Variants in OSBPL6 observed in about 807,000 individuals in gnomAD.
The protein encoded by OSBPL6 is oxysterol-binding protein-related protein 6.
A neutral mutation model predicts 125.8 loss-of-function variants in OSBPL6; 49 were observed. That is an observed-to-expected ratio of 0.39 (90% confidence interval 0.31 to 0.49). The LOEUF (loss-of-function observed/expected upper bound fraction) is 0.49. OSBPL6 is among the 20% of genes least tolerant of loss of function. The probability of loss-of-function intolerance (pLI) is 0.88; values close to 1 mark genes in which losing one functional copy is unlikely to be tolerated. For missense variants in OSBPL6, 986 were observed against 1,135.4 expected (o/e 0.87, Z 1.89); for synonymous variants, 394 against 391.8 (o/e 1.01, Z -0.07).
intron 1 of OSBPL6, among the ~76,000 whole-genome samples, chr2:178,271,596 T>C (rs148153454): frequency 5.3e-5 from 8 of 152,346 alleles, no homozygotes; most frequent in African/African-American, 1.4e-4. Context: ...TATTTTATCA[T>C]TTCAAAAACT....
intron 5 of OSBPL6, among the ~76,000 whole-genome samples, chr2:178,329,733 T>C (rs78416442): frequency 0.048 from 7,379 of 152,188 alleles, 232 homozygotes; most frequent in South Asian, 0.15. Context: ...TTAAACTCTT[T>C]AGTGGGCCAC....
At chr2:178,331,401 G>T in intron 5 of OSBPL6, 151 bp from the exon 6 acceptor site, 2 of 763,096 alleles carry the variant, frequency 2.6e-6, no homozygotes, top group South Asian at 3.1e-5. Flanking sequence ...CATTTAATGT[G>T]ACTGACTGTG....
chr2:178,388,971 C>A, intron 20 of OSBPL6, 38 bp from the exon 21 acceptor site: 3 of 1,603,088 alleles, frequency 1.9e-6, no homozygotes, highest in Non-Finnish European at 2.6e-6. Flanking sequence ...GTGTTTGTGA[C>A]CTTGGTTGTT....
chr2:178,393,059 GAAGAT>G (rs1003366554), intron 23 of OSBPL6, among the ~76,000 whole-genome samples: 34 of 152,258 alleles, frequency 2.2e-4, no homozygotes, highest in African/African-American at 7.7e-4. Context: ...GTTCCCCACA[GAAGAT>G]AAGATAACAG....
chr2:178,256,628 T>A (rs946732768), intron 1 of OSBPL6, among the ~76,000 whole-genome samples: 1 of 152,226 alleles, frequency 6.6e-6, no homozygotes, highest in Non-Finnish European at 1.5e-5. Flanking sequence ...CTGAAATGAA[T>A]GGCATATGTT....
chr2:178,215,651 T>C (rs2090063555), intron 1 of OSBPL6, among the ~76,000 whole-genome samples: 1 of 151,674 alleles, frequency 6.6e-6, no homozygotes, highest in African/African-American at 2.4e-5. Context: ...GTTCCTGTGA[T>C]TTAGGGAGAG....
At chr2:178,319,953 C>A (rs1216932037) in intron 3 of OSBPL6, among the ~76,000 whole-genome samples, 1 of 152,108 alleles carries the variant, frequency 6.6e-6, no homozygotes, top group Non-Finnish European at 1.5e-5. Context: ...AGCAGTGGAC[C>A]AATTCTCTTT....
chr2:178,385,515 T>A lies in OSBPL6; in HGVS notation c.2071T>A (p.Trp691Arg), dbSNP rs770702975. 1.9e-6 allele frequency: 3 copies of A among 1,600,944 alleles called. No homozygotes were observed. The highest frequency in any genetic ancestry group is 2.6e-6 in the Non-Finnish European group (3 of 1,168,492). ...CHCESKNFVF[W>R]QDIRWKNKFW... Reference sequence around the variant, plus strand: ...CTGTGAATCAAAGAATTTTGTGTTTTGGCAAGGTTTGTATTTCAATTATAA... The same window carrying A: ...CTGTGAATCAAAGAATTTTGTGTTTAGGCAAGGTTTGTATTTCAATTATAA... The change falls in exon 19 of 25, where the codon TGG (tryptophan) becomes AGG (arginine). Residue 691 changes from tryptophan (W) to arginine (R), a missense_variant. Trp to Arg is a moderately radical substitution (Grantham distance 101). This residue lies in a region of OSBPL6 where 843 missense variants were observed against 997.3 expected (regional missense o/e 0.85). Coordinates refer to ENST00000190611, the MANE Select transcript of OSBPL6 (RefSeq NM_032523.4).
chr2:178,372,875 A>C (rs1693526582), intron 14 of OSBPL6, among the ~76,000 whole-genome samples: 1 of 149,060 alleles, frequency 6.7e-6, no homozygotes, highest in African/African-American at 2.4e-5. Flanking sequence ...ATAGGAGAAC[A>C]TTCAGTATAT....
chr2:178,208,374 A>G (rs2089652134), intron 1 of OSBPL6, among the ~76,000 whole-genome samples: 1 of 152,186 alleles, frequency 6.6e-6, no homozygotes, highest in South Asian at 2.1e-4. Flanking sequence ...AATAGTTGAG[A>G]AAGAAAAAAA....
At chr2:178,198,889 A>G (rs1404869670) in intron 1 of OSBPL6, among the ~76,000 whole-genome samples, 1 of 152,244 alleles carries the variant, frequency 6.6e-6, no homozygotes, top group Non-Finnish European at 1.5e-5. Flanking sequence ...TAAAATGACC[A>G]AGGATAATTT....
rs548902548 is a variant in OSBPL6, at chr2:178,344,631, A to G, written c.988-4593A>G. ...AAGTCAAATTTGCAAAATTGAGTAC[A>G]GTGCCCCATGATGTGAGCTTTCCTT... On this transcript the variant is annotated intron_variant, in intron 11 of 24. Transcript: ENST00000190611. Among the ~76,000 whole-genome samples, 3 of 152,096 alleles carry G rather than the reference A, an allele frequency of 2.0e-5. No homozygotes were observed. The South Asian group carries it at 6.3e-4, about 32-fold the overall frequency.
At chr2:178,244,487 G>A (rs12693156) in intron 1 of OSBPL6, among the ~76,000 whole-genome samples, 37,732 of 152,030 alleles carry the variant, frequency 0.25, 5,215 homozygotes, top group African/African-American at 0.38. Flanking sequence ...ACTGTGTCTG[G>A]CACATATTAG....
chr2:178,318,749 G>A, intron 3 of OSBPL6, among the ~76,000 whole-genome samples: 1 of 152,200 alleles, frequency 6.6e-6, no homozygotes, highest in East Asian at 1.9e-4. Context: ...GGTTTGCTGG[G>A]TAACGTGATG....
chr2:178,209,613 C>T (rs999109723), intron 1 of OSBPL6, among the ~76,000 whole-genome samples: 2 of 151,884 alleles, frequency 1.3e-5, no homozygotes, highest in Non-Finnish European at 2.9e-5. Context: ...TTGAGTTTTT[C>T]CTCAGATATC....
chr2:178,362,964 G>C (rs368718763), intron 13 of OSBPL6, among the ~76,000 whole-genome samples: 7 of 152,114 alleles, frequency 4.6e-5, no homozygotes, highest in African/African-American at 1.7e-4. Flanking sequence ...GTCATGGATC[G>C]GTCGAACACT....
chr2:178,226,090 C>T (rs1237282004), intron 1 of OSBPL6, among the ~76,000 whole-genome samples: 1 of 152,164 alleles, frequency 6.6e-6, no homozygotes, highest in Non-Finnish European at 1.5e-5. Context: ...AGGGAGGAAG[C>T]TGTGTTCCTA....
intron 1 of OSBPL6, among the ~76,000 whole-genome samples, chr2:178,200,736 A>C (rs1216720778): frequency 6.6e-6 from 1 of 152,084 alleles, no homozygotes; most frequent in African/African-American, 2.4e-5. Context: ...TTTCTTTCTA[A>C]AACAGATTTT....
intron 3 of OSBPL6, among the ~76,000 whole-genome samples, chr2:178,306,773 CA>C (rs1192792600): frequency 5.9e-5 from 9 of 152,280 alleles, no homozygotes; most frequent in African/African-American, 1.9e-4. Flanking sequence ...TGTGAGAACC[CA>C]AACAATGTTT....
Sources: allele counts gnomAD v4.1 joint callset (sites outside exome capture counted in the v4.1 genomes callset), GRCh38; gene constraint gnomAD v4.1.1; regional missense constraint gnomAD v4.1.1; transcripts MANE v1.5; gene names NCBI Gene and HGNC (gene_info 2026-07-23, HGNC 2026-07-21).